The following TCF12 variants were observed in gnomAD, a reference collection of about 807,000 sequenced individuals.
TCF12 encodes transcription factor 12, also known as DNA-binding protein HTF4.
Under a neutral mutation model 86.0 loss-of-function variants are expected in TCF12, and 45 were observed. That is an observed-to-expected ratio of 0.52 (90% CI 0.41 to 0.67). TCF12 has a LOEUF of 0.67. Among genes scored for constraint, TCF12 ranks in the 30% least tolerant of loss-of-function variants. The pLI is 0.00. For missense variants in TCF12, 881 were observed against 859.9 expected, an observed-to-expected ratio of 1.02 and a Z score of -0.31; for synonymous variants, 330 against 299.6, an observed-to-expected ratio of 1.10 and a Z score of -1.05.
At chr15:57,090,105 A>C (rs980095410) in intron 4 of TCF12, among the ~76,000 whole-genome samples, 2 of 151,636 alleles carry the variant, frequency 1.3e-5, no homozygotes, top group East Asian at 3.9e-4. Context: ...AGTTCCAGCT[A>C]CTCCTGGGAG....
At chr15:57,205,323 C>G (rs1597303548) in intron 8 of TCF12, among the ~76,000 whole-genome samples, 1 of 152,004 alleles carries the variant, frequency 6.6e-6, no homozygotes. Context: ...AAAATAAAAA[C>G]AAACAATTAT....
intron 3 of TCF12, among the ~76,000 whole-genome samples, chr15:56,948,573 G>C (rs1471903383): frequency 6.6e-6 from 1 of 152,160 alleles, no homozygotes; most frequent in Non-Finnish European, 1.5e-5. Flanking sequence ...GTGAATACCA[G>C]TGAAGTAACA....
At chr15:57,129,729 C>T (rs1337942854) in intron 5 of TCF12, 3 of 152,212 alleles carry the variant, frequency 2.0e-5, no homozygotes, top group Admixed American at 6.5e-5. Context: ...CAGGGCCTAA[C>T]ACTTAGAAGA....
At chr15:57,062,929 A>G (rs1158338079) in intron 3 of TCF12, among the ~76,000 whole-genome samples, 1 of 152,222 alleles carries the variant, frequency 6.6e-6, no homozygotes, top group African/African-American at 2.4e-5. Flanking sequence ...TGGAGTCTTC[A>G]AAACAGAAGA....
At chr15:57,010,264 G>T (rs1266380960) in intron 3 of TCF12, among the ~76,000 whole-genome samples, 2 of 151,694 alleles carry the variant, frequency 1.3e-5, no homozygotes, top group Non-Finnish European at 2.9e-5. Flanking sequence ...CATTATATTT[G>T]CTGGTGGGCA....
intron 19 of TCF12, among the ~76,000 whole-genome samples, chr15:57,278,862 TTTTCTTTC>T (rs150628419): frequency 1.3e-5 from 2 of 150,486 alleles, no homozygotes; most frequent in African/African-American, 5.0e-5. Context: ...TTTTCTTTGT[TTTTCTTTC>T]TTTCTTTTTG....
At chr15:57,148,853 T>G (rs2053553472) in intron 5 of TCF12, among the ~76,000 whole-genome samples, 1 of 152,066 alleles carries the variant, frequency 6.6e-6, no homozygotes, top group Non-Finnish European at 1.5e-5. Context: ...TGCAGCCTGG[T>G]TAACAGAATG....
chr15:56,926,769 C>G (rs1385342922), intron 3 of TCF12, among the ~76,000 whole-genome samples: 4 of 152,194 alleles, frequency 2.6e-5, no homozygotes, highest in African/African-American at 9.7e-5. Flanking sequence ...TGGGTATGTT[C>G]CTTTACTTGT....
chr15:57,203,924 G>A (rs1184329693), intron 8 of TCF12, among the ~76,000 whole-genome samples: 3 of 152,120 alleles, frequency 2.0e-5, no homozygotes, highest in Non-Finnish European at 2.9e-5. Context: ...GCTAAAGTGG[G>A]AGGATCACTT....
At chr15:57,127,339 CAATT>C (rs1303821545) in intron 5 of TCF12, among the ~76,000 whole-genome samples, 1 of 151,986 alleles carries the variant, frequency 6.6e-6, no homozygotes, top group Non-Finnish European at 1.5e-5. Flanking sequence ...ATTTATAAAA[CAATT>C]ACAATATACA....
At position 57,152,702 on chromosome 15, in the gene TCF12, A is replaced by G. The variant is rs866952064; in HGVS notation, c.326-13700A>G. On this transcript the variant is annotated intron_variant, in intron 5 of 20. Transcript: ENST00000333725. ...AAGATCAGAGCTGCAGGACAGTATC[A>G]GTCTAATATGTGTATGCTTAAAGTT... is the stretch of plus-strand genomic sequence containing the variant. Among the ~76,000 whole-genome samples the G allele has an allele frequency of 5.9e-5, 9 of 152,218 alleles. No individual in the cohort carries two copies. In the South Asian group the frequency reaches 1.9e-3, roughly 31 times the overall value.
intron 3 of TCF12, among the ~76,000 whole-genome samples, chr15:56,984,013 A>AG (rs1424633323): frequency 6.8e-6 from 1 of 146,168 alleles, no homozygotes; most frequent in South Asian, 2.1e-4. Flanking sequence ...AAAAAAAAAA[A>AG]AAAGAAGAAG....
chr15:57,179,795 C>G (rs916756215), intron 6 of TCF12, among the ~76,000 whole-genome samples: 6 of 151,914 alleles, frequency 3.9e-5, no homozygotes, highest in South Asian at 2.1e-4. Flanking sequence ...TCTGTTTCCC[C>G]CCTTCTTCCT....
At chr15:56,925,513 AT>A (rs750970783) in intron 3 of TCF12, among the ~76,000 whole-genome samples, 73 of 152,292 alleles carry the variant, frequency 4.8e-4, no homozygotes, top group Middle Eastern at 3.4e-3. Context: ...CAACTTTCAA[AT>A]TTTATACTTA....
chr15:57,189,997 T>G (rs1405481106), intron 6 of TCF12, among the ~76,000 whole-genome samples: 1 of 152,172 alleles, frequency 6.6e-6, no homozygotes, highest in Non-Finnish European at 1.5e-5. Context: ...ACATATTGTA[T>G]GAGTCCAATT....
chr15:57,199,360 A>G (rs538275486), intron 8 of TCF12, among the ~76,000 whole-genome samples: 16 of 152,292 alleles, frequency 1.1e-4, no homozygotes, highest in South Asian at 4.1e-4. Flanking sequence ...TAGCAGTGCA[A>G]TTTTCTTGTA....
chr15:57,190,033 T>C (rs796332620), intron 6 of TCF12, among the ~76,000 whole-genome samples: 19 of 152,198 alleles, frequency 1.2e-4, no homozygotes, highest in African/African-American at 4.6e-4. Flanking sequence ...AATAGGCAAA[T>C]CCAGAGAGAC....
At position 56,919,923 on chromosome 15, in the gene TCF12, C is replaced by T. The variant is rs2059703588; in HGVS notation, c.10C>T (p.Gln4Ter). 1 of 1,614,060 alleles carries T rather than the reference C, an allele frequency of 6.2e-7. No individual in the cohort carries two copies. The highest frequency in any genetic ancestry group is 8.5e-7 in the Non-Finnish European group (1 of 1,179,986). MNP[Q>*]QQRMAAIGTD... is the part of the protein sequence containing the mutation. ...CTAGAAGTGGCCGAAGATGAATCCC[C>T]AGCAACAACGCATGGCCGCTATAGG... is the stretch of plus-strand genomic sequence containing the variant. The change falls in exon 2 of 21, where the codon CAG becomes TAG. Residue 4 changes from glutamine (Q) to a stop codon, truncating the protein, a stop_gained. Coordinates refer to ENST00000333725, the MANE Select transcript of TCF12 (RefSeq NM_207037.2). LOFTEE classifies it high-confidence loss of function.
chr15:57,212,019 G>A (rs1318708112), intron 8 of TCF12, among the ~76,000 whole-genome samples: 3 of 150,742 alleles, frequency 2.0e-5, no homozygotes, highest in East Asian at 3.9e-4. Flanking sequence ...TTTAAGATTG[G>A]TGTGGACACC....
Sources: allele counts gnomAD v4.1 joint callset (sites outside exome capture counted in the v4.1 genomes callset), GRCh38; gene constraint gnomAD v4.1.1; transcripts MANE v1.5; gene names NCBI Gene and HGNC (gene_info 2026-07-23, HGNC 2026-07-21).